Variants in ADGRL2 observed in about 807,000 individuals in gnomAD.
ADGRL2 encodes the protein calcium-independent alpha-latrotoxin receptor 2.
A neutral mutation model predicts 157.4 loss-of-function variants in ADGRL2; 44 were observed. The observed-to-expected ratio is 0.28, with a 90% confidence interval of 0.22 to 0.36. The LOEUF (loss-of-function observed/expected upper bound fraction) is 0.36, where lower values mean the gene tolerates loss of function less well. Ranked by LOEUF, ADGRL2 falls within the 10% of genes least tolerant of loss-of-function variation. ADGRL2 has a pLI of 1.00. For synonymous variants in ADGRL2, 585 were observed against 624.7 expected (o/e 0.94, Z 0.95); for missense variants, 1,510 against 1,768.9 (o/e 0.85, Z 2.63).
At chr1:81,786,735 G>A (rs1380841051) in intron 2 of ADGRL2, among the ~76,000 whole-genome samples, 2 of 152,188 alleles carry the variant, frequency 1.3e-5, no homozygotes, top group African/African-American at 4.8e-5. Context: ...AACTTTTAGT[G>A]AAGGCTTAGC....
At chr1:81,901,639 A>G (rs1221800992) in intron 2 of ADGRL2, among the ~76,000 whole-genome samples, 7 of 151,844 alleles carry the variant, frequency 4.6e-5, no homozygotes, top group Non-Finnish European at 1.5e-5. Flanking sequence ...TTAATGTGAT[A>G]CAAATAAAGG....
intron 3 of ADGRL2, among the ~76,000 whole-genome samples, chr1:81,933,653 G>A (rs1326256691): frequency 6.6e-6 from 1 of 152,058 alleles, no homozygotes; most frequent in Non-Finnish European, 1.5e-5. Flanking sequence ...ATATTGTTAA[G>A]GAATTTTCAG....
chr1:81,655,252 G>A (rs1338961615), intron 3 of ADGRL2, among the ~76,000 whole-genome samples: 1 of 152,058 alleles, frequency 6.6e-6, no homozygotes, highest in South Asian at 2.1e-4. Context: ...CGCCCGCCTC[G>A]GCCTCCCAAA....
At chr1:81,660,751 C>T (rs1398564323) in intron 3 of ADGRL2, among the ~76,000 whole-genome samples, 1 of 152,126 alleles carries the variant, frequency 6.6e-6, no homozygotes, top group Non-Finnish European at 1.5e-5. Context: ...ATAGTGATGT[C>T]TTATTCTATT....
At chr1:81,458,528 G>A (rs1212736254) in intron 2 of ADGRL2, among the ~76,000 whole-genome samples, 1 of 152,050 alleles carries the variant, frequency 6.6e-6, no homozygotes, top group Non-Finnish European at 1.5e-5. Context: ...CTCTGCCCAG[G>A]GCCTCACTCA....
At chr1:81,913,189 T>G (rs564780417) in intron 3 of ADGRL2, among the ~76,000 whole-genome samples, 1 of 152,332 alleles carries the variant, frequency 6.6e-6, no homozygotes, top group African/African-American at 2.4e-5. Flanking sequence ...TTTTCTAAAC[T>G]TATCAATATC....
At chr1:81,963,374 T>G (rs947236431) in intron 11 of ADGRL2, among the ~76,000 whole-genome samples, 5 of 152,032 alleles carry the variant, frequency 3.3e-5, no homozygotes, top group Admixed American at 1.3e-4. Flanking sequence ...CTTTATACCT[T>G]TTATTTGCTT....
chr1:81,396,913 C>A (rs770636247), intron 1 of ADGRL2, among the ~76,000 whole-genome samples: 4 of 152,136 alleles, frequency 2.6e-5, no homozygotes, highest in Non-Finnish European at 5.9e-5. Context: ...ATATGTCTAT[C>A]AGGGATGTTG....
At chr1:81,510,633 TA>T (rs1167941668) in intron 2 of ADGRL2, among the ~76,000 whole-genome samples, 2 of 152,206 alleles carry the variant, frequency 1.3e-5, no homozygotes, top group African/African-American at 2.4e-5. Context: ...AGGCTATTAT[TA>T]GACATAGATT....
chr1:81,483,855 C>G (rs2078443478), intron 2 of ADGRL2, among the ~76,000 whole-genome samples: 4 of 152,156 alleles, frequency 2.6e-5, no homozygotes. Context: ...TCGAAAGTCT[C>G]CTGAATAAGA....
At chr1:81,891,955 A>T (rs915941049) in intron 2 of ADGRL2, among the ~76,000 whole-genome samples, 1 of 131,264 alleles carries the variant, frequency 7.6e-6, no homozygotes, top group African/African-American at 3.1e-5. Context: ...AAGTGTGGCT[A>T]ATAAGTGTGT....
chr1:81,415,158 A>G (rs1313396065), intron 1 of ADGRL2, among the ~76,000 whole-genome samples: 2 of 152,182 alleles, frequency 1.3e-5, no homozygotes, highest in African/African-American at 2.4e-5. Flanking sequence ...TTTTAAGCAG[A>G]AAAGACAAGA....
chr1:81,765,390 A>C (rs2086080508), intron 2 of ADGRL2, among the ~76,000 whole-genome samples: 1 of 152,082 alleles, frequency 6.6e-6, no homozygotes, highest in Non-Finnish European at 1.5e-5. Flanking sequence ...GCAATGTAAC[A>C]AATTATTGAA....
At chr1:81,654,163 C>A (rs972852153) in intron 3 of ADGRL2, among the ~76,000 whole-genome samples, 2 of 152,168 alleles carry the variant, frequency 1.3e-5, no homozygotes, top group African/African-American at 4.8e-5. Flanking sequence ...CCAGGCTGGT[C>A]TCGAACTTCT....
intron 2 of ADGRL2, among the ~76,000 whole-genome samples, chr1:81,556,345 GTCTCACTC>G (rs1187912050): frequency 9.4e-6 from 1 of 105,960 alleles, no homozygotes; most frequent in African/African-American, 3.8e-5. Flanking sequence ...TTGAGACAGA[GTCTCACTC>G]TGTCACCCAG....
intron 1 of ADGRL2, among the ~76,000 whole-genome samples, chr1:81,392,800 T>C (rs1476824755): frequency 1.3e-5 from 2 of 152,110 alleles, no homozygotes; most frequent in African/African-American, 4.8e-5. Context: ...ATATGTTTTA[T>C]AAAGTCACTC....
intron 20 of ADGRL2, among the ~76,000 whole-genome samples, chr1:81,984,966 A>G (rs1346415103): frequency 1.3e-5 from 2 of 152,120 alleles, no homozygotes; most frequent in African/African-American, 4.8e-5. Context: ...CATATAGCAC[A>G]ATGCTCATAG....
chr1:81,782,814 G>C (rs151140155), intron 2 of ADGRL2, among the ~76,000 whole-genome samples: 22 of 152,152 alleles, frequency 1.4e-4, no homozygotes, highest in Admixed American at 5.2e-4. Context: ...TTACTGGTTG[G>C]GAAAGCAGAG....
chr1:81,885,098 T>C (rs577827566), intron 2 of ADGRL2, among the ~76,000 whole-genome samples: 2 of 152,334 alleles, frequency 1.3e-5, no homozygotes, highest in South Asian at 2.1e-4. Context: ...TTTTGTTTTA[T>C]AATAGTTATT....
Sources: gnomAD v4.1 joint callset for allele counts (sites outside exome capture counted in the v4.1 genomes callset) on GRCh38, gnomAD v4.1.1 for gene constraint, MANE v1.5 for transcripts, NCBI Gene and HGNC (gene_info 2026-07-23, HGNC 2026-07-21) for gene names.